Variants in CEACAM6 observed in about 807,000 individuals in gnomAD.
CEACAM6 encodes the protein CEA cell adhesion molecule 6.
In CEACAM6, 21 loss-of-function variants were observed where a neutral mutation model predicts 32.4. The ratio of observed to expected loss-of-function variants is 0.65; its 90% CI spans 0.46 to 0.93. The LOEUF (loss-of-function observed/expected upper bound fraction) is 0.93. Among genes scored for constraint, CEACAM6 ranks in the 40% least tolerant of loss-of-function variants. CEACAM6 has a pLI of 0.00. For missense variants in CEACAM6, 406 were observed against 432.2 expected, an observed-to-expected ratio of 0.94 and a Z score of 0.54; for synonymous variants, 184 against 174.4, an observed-to-expected ratio of 1.06 and a Z score of -0.43.
chr19:41,758,842 C>CAG, intron 2 of CEACAM6, among the ~76,000 whole-genome samples: 1 of 152,318 alleles, frequency 6.6e-6, no homozygotes, highest in East Asian at 1.9e-4. Context: ...ACAGAGAAGG[C>CAG]ACAGAAATCA....
chr19:41,769,575 T>C lies in CEACAM6; in HGVS notation c.*41-1227T>C, dbSNP rs190479769. On this transcript the variant is annotated intron_variant, in intron 5 of 5. Transcript: ENST00000199764. Reference sequence around the variant, plus strand: ...TTCCCAGATTTCAGGAAACATTTTTTCTTTTAAGCTATCTAGAGCTTCAAC... The same window carrying C: ...TTCCCAGATTTCAGGAAACATTTTTCCTTTTAAGCTATCTAGAGCTTCAAC... 8.4e-4 allele frequency among the ~76,000 whole-genome samples: 128 copies of C among 152,042 alleles called. 2 individuals are homozygous for C. Among genetic ancestry groups the C allele is most frequent in the African/African-American group, 2.9e-3 (122 of 41,540 alleles).
chr19:41,761,222 G>A (rs1555821788), intron 2 of CEACAM6, 27 bp from the exon 3 acceptor site: 3 of 1,614,022 alleles, frequency 1.9e-6, no homozygotes, highest in Non-Finnish European at 2.5e-6. Context: ...GCCACACAGG[G>A]CAATCTTCTC....
chr19:41,761,486 C>T lies in CEACAM6; in HGVS notation c.662C>T (p.Ala221Val), dbSNP rs782220668. The change falls in exon 3 of 6, where the codon GCG (alanine) becomes GTG (valine). Residue 221 changes from alanine (A) to valine (V), a missense_variant. Physicochemically the swap from Ala to Val is moderately conservative, Grantham distance 64. Coordinates refer to ENST00000199764, the MANE Select transcript of CEACAM6 (RefSeq NM_002483.7). ...GSYECEIQNPASANRSDPVTL... is the reference protein window; with the variant it reads ...GSYECEIQNPVSANRSDPVTL... ...TATGAATGTGAAATACAGAACCCAGCGAGTGCCAACCGCAGTGACCCAGTC... is the reference window on the plus strand; with the variant it reads ...TATGAATGTGAAATACAGAACCCAGTGAGTGCCAACCGCAGTGACCCAGTC... 10 of 1,614,060 alleles carry T rather than the reference C, an allele frequency of 6.2e-6. No individual in the cohort carries two copies. The highest frequency in any genetic ancestry group is 8.5e-6 in the Non-Finnish European group (10 of 1,180,030).
chr19:41,761,760 C>G (rs924094342), intron 3 of CEACAM6, among the ~76,000 whole-genome samples: 2 of 152,206 alleles, frequency 1.3e-5, no homozygotes, highest in Non-Finnish European at 2.9e-5. Flanking sequence ...TCACTCATCT[C>G]CAGGATGTCC....
intron 5 of CEACAM6, among the ~76,000 whole-genome samples, chr19:41,768,413 G>A (rs1215039133): frequency 6.6e-6 from 1 of 152,164 alleles, no homozygotes; most frequent in African/African-American, 2.4e-5. Context: ...CACAAGTTTG[G>A]GGGTAAGGTC....
At chr19:41,763,106 A>G (rs899357549) in intron 4 of CEACAM6, among the ~76,000 whole-genome samples, 2 of 152,170 alleles carry the variant, frequency 1.3e-5, no homozygotes, top group Non-Finnish European at 2.9e-5. Flanking sequence ...GCCACTATGT[A>G]TCTAATATAG....
At position 41,756,625 on chromosome 19, in the gene CEACAM6, A is replaced by G. The variant is rs146300249; in HGVS notation, c.90A>G (p.Pro30=). ...CCTCACTTCTAACCTTCTGGAACCC[A>G]CCCACCACTGCCAAGCTCACTATTG... ...LTASLLTFWN[P]PTTAKLTIES... The change falls in exon 2 of 6, where the codon CCA becomes CCG. Residue 30 remains proline (P), a synonymous_variant. Coordinates refer to ENST00000199764, the MANE Select transcript of CEACAM6 (RefSeq NM_002483.7). 109 of 1,613,750 alleles carry G rather than the reference A, an allele frequency of 6.8e-5. No individual in the cohort carries two copies. In the African/African-American group the frequency reaches 9.3e-4, roughly 14 times the overall value.
chr19:41,763,913 A>G (rs2072942536), intron 4 of CEACAM6, among the ~76,000 whole-genome samples: 2 of 152,160 alleles, frequency 1.3e-5, no homozygotes, highest in African/African-American at 2.4e-5. Flanking sequence ...ATGTCTGTTT[A>G]TTTGTTTGTT....
At chr19:41,768,104 T>C (rs2122934980) in intron 5 of CEACAM6, among the ~76,000 whole-genome samples, 1 of 152,258 alleles carries the variant, frequency 6.6e-6, no homozygotes, top group East Asian at 1.9e-4. Flanking sequence ...TTTTTTTTTA[T>C]TGATCATTCT....
At chr19:41,762,360 C>A in intron 4 of CEACAM6, 137 bp downstream of exon 4, 1 of 954,258 alleles carries the variant, frequency 1.0e-6, no homozygotes, top group Non-Finnish European at 1.6e-6. Flanking sequence ...CTGAACCCTC[C>A]CAATTCACCT....
rs1399147460 is a variant in CEACAM6, at chr19:41,757,490, C to G, written c.424+531C>G. Among the ~76,000 whole-genome samples the G allele has an allele frequency of 5.9e-5, 9 of 152,144 alleles. No homozygotes were observed. The East Asian group carries it at 1.7e-3, about 29-fold the overall frequency. ...AAGGGCCATGACTCCTGGAGTTGGTCACCAGCCAGGTCCGAGCACCCAGAG... is the reference window on the plus strand; with the variant it reads ...AAGGGCCATGACTCCTGGAGTTGGTGACCAGCCAGGTCCGAGCACCCAGAG... On this transcript the variant is annotated intron_variant, in intron 2 of 5. Coordinates refer to ENST00000199764, the MANE Select transcript of CEACAM6 (RefSeq NM_002483.7).
chr19:41,756,993 G>A (rs947970697), intron 2 of CEACAM6, 34 bp downstream of exon 2: 36 of 1,569,168 alleles, frequency 2.3e-5, no homozygotes, highest in Non-Finnish European at 2.9e-5. Context: ...GGGTGTTGGG[G>A]GTCAGTTCTA....
chr19:41,755,735 G>A, intron 1 of CEACAM6, 33 bp downstream of exon 1: 1 of 1,568,564 alleles, frequency 6.4e-7, no homozygotes. Flanking sequence ...GTGGATGGGA[G>A]GAGGGAGCAC....
At chr19:41,757,045 G>A in intron 2 of CEACAM6, 86 bp downstream of exon 2, 4 of 1,532,972 alleles carry the variant, frequency 2.6e-6, no homozygotes, top group Non-Finnish European at 3.5e-6. Flanking sequence ...TGTGCCTGTG[G>A]CCCTCTCTGC....
intron 5 of CEACAM6, among the ~76,000 whole-genome samples, chr19:41,767,081 C>T (rs968608262): frequency 7.9e-5 from 12 of 151,104 alleles, no homozygotes; most frequent in African/African-American, 2.7e-4. Flanking sequence ...CTTCTCTTTA[C>T]TAATTCTTCT....
chr19:41,771,270 CA>C lies in CEACAM6; in HGVS notation c.*510del, dbSNP rs1248295164. The C allele has an allele frequency of 6.6e-6, 1 of 152,214 alleles. No individual in the cohort carries two copies. The highest frequency in any genetic ancestry group is 1.9e-4 in the East Asian group (1 of 5,202). The allele number at this position is 152,214 out of a possible 1,614,324, so 9.4% of individuals were successfully genotyped here. ...TAGTGCACCCAGTGACTGACATTAG[CA>C]GCATCTTTAACACAGCCGTGTGTTC... On this transcript the variant is annotated 3_prime_UTR_variant, in exon 6 of 6. Coordinates refer to ENST00000199764, the MANE Select transcript of CEACAM6 (RefSeq NM_002483.7).
In CEACAM6 at chr19:41,755,613, G is replaced by A. The variant is rs782295164; in HGVS notation, c.-26G>A. The A allele has an allele frequency of 2.5e-6, 4 of 1,611,288 alleles. No individual in the cohort carries two copies. In the Admixed American group the frequency reaches 5.0e-5, roughly 20 times the overall value. On this transcript the variant is annotated 5_prime_UTR_variant, in exon 1 of 6. Transcript: ENST00000199764. ...TGGAGCTCAAGCTCCTCTACAAAGA[G>A]GTGGACAGAGAAGACAGCAGAGACC...
At chr19:41,767,283 C>G (rs1479996135) in intron 5 of CEACAM6, among the ~76,000 whole-genome samples, 3 of 152,294 alleles carry the variant, frequency 2.0e-5, no homozygotes, top group African/African-American at 7.2e-5. Context: ...CAAGCAACCT[C>G]TTATTTCATG....
rs113669332 is a variant in CEACAM6 at position 41,756,286 on chromosome 19, G to T, written c.65-314G>T. On this transcript the variant is annotated intron_variant, in intron 1 of 5. Coordinates refer to ENST00000199764, the MANE Select transcript of CEACAM6 (RefSeq NM_002483.7). Reference sequence around the variant, plus strand: ...AAAAGACCCAGGGTCTGTAGAGGGGGTGTCAGGGAAGGGATCTCCCAAGAA... The same window carrying T: ...AAAAGACCCAGGGTCTGTAGAGGGGTTGTCAGGGAAGGGATCTCCCAAGAA... Among the ~76,000 whole-genome samples, 495 of 152,288 alleles carry T rather than the reference G, an allele frequency of 3.3e-3. 5 individuals are homozygous for T. Among genetic ancestry groups the T allele is most frequent in the African/African-American group, 0.011 (475 of 41,552 alleles).
Sources: allele counts gnomAD v4.1 joint callset (sites outside exome capture counted in the v4.1 genomes callset), GRCh38; gene constraint gnomAD v4.1.1; transcripts MANE v1.5; gene names NCBI Gene and HGNC (gene_info 2026-07-23, HGNC 2026-07-21).